LMCD1: variants seen among roughly 807,000 people sequenced by gnomAD.
LMCD1 encodes the protein LIM and cysteine rich domains 1.
Under a neutral mutation model 42.7 loss-of-function variants are expected in LMCD1, and 32 were observed. That is an observed-to-expected ratio of 0.75 (90% CI 0.57 to 1.01). The LOEUF is 1.01. Among genes scored for constraint, LMCD1 ranks in the 50% least tolerant of loss-of-function variants. LMCD1 has a pLI of 0.00. For missense variants in LMCD1, 458 were observed against 483.1 expected (o/e 0.95, Z 0.49); for synonymous variants, 178 against 184.9 (o/e 0.96, Z 0.30).
chr3:8,522,280 A>C (rs1418945945), intron 1 of LMCD1, among the ~76,000 whole-genome samples: 1 of 152,174 alleles, frequency 6.6e-6, no homozygotes, highest in Non-Finnish European at 1.5e-5. Context: ...AGAGCTACAC[A>C]AGTGATTACA....
rs1344257375 is a variant in LMCD1, at chr3:8,571,801, C to G, written c.*4203C>G. The G allele has an allele frequency of 6.6e-6, 1 of 152,174 alleles. No individual in the cohort carries two copies. The highest frequency in any genetic ancestry group is 1.5e-5 in the Non-Finnish European group (1 of 68,020). The allele number at this position is 152,174 out of a possible 1,614,324, so 9.4% of individuals were successfully genotyped here. A position where few individuals can be genotyped will look rare whatever the true frequency, so the allele number is the denominator to read the frequency against. On this transcript the variant is annotated 3_prime_UTR_variant, in exon 6 of 6. Coordinates refer to ENST00000157600, the MANE Select transcript of LMCD1 (RefSeq NM_014583.4). ...GTTTTCTTTTCTTTTGATAGAATGT[C>G]AAACTTACGAAAAAAGTTACAAGAA... is the stretch of plus-strand genomic sequence containing the variant.
At chr3:8,524,767 C>T (rs1234412947) in intron 1 of LMCD1, among the ~76,000 whole-genome samples, 3 of 152,074 alleles carry the variant, frequency 2.0e-5, no homozygotes, top group Non-Finnish European at 4.4e-5. Flanking sequence ...TCACTACAAC[C>T]TCAACCTCCT....
chr3:8,522,464 A>G (rs1694224811), intron 1 of LMCD1, among the ~76,000 whole-genome samples: 1 of 152,162 alleles, frequency 6.6e-6, no homozygotes, highest in African/African-American at 2.4e-5. Flanking sequence ...GAGCCTGAAC[A>G]CGGTGATTGG....
intron 3 of LMCD1, among the ~76,000 whole-genome samples, chr3:8,543,397 T>TGATAGATAGATAGATAGATA (rs57434919): frequency 4.3e-5 from 4 of 92,874 alleles, no homozygotes; most frequent in Non-Finnish European, 5.3e-5. Flanking sequence ...GATAGATAGA[T>TGATAGATAGATAGATAGATA]GATAGATAGA....
chr3:8,554,701 G>A (rs1450242356), intron 4 of LMCD1, among the ~76,000 whole-genome samples: 2 of 152,158 alleles, frequency 1.3e-5, no homozygotes, highest in Admixed American at 6.5e-5. Context: ...CCCTGAGCTG[G>A]GTGGGCAATG....
At chr3:8,503,368 C>G (rs573093843) in intron 1 of LMCD1, among the ~76,000 whole-genome samples, 10 of 152,304 alleles carry the variant, frequency 6.6e-5, no homozygotes, top group African/African-American at 2.4e-4. Context: ...GGTACCAAGT[C>G]ACATTGAATC....
chr3:8,541,068 G>T (rs1694616858), intron 3 of LMCD1, among the ~76,000 whole-genome samples: 1 of 152,204 alleles, frequency 6.6e-6, no homozygotes, highest in African/African-American at 2.4e-5. Flanking sequence ...ATCAGGAAGA[G>T]AAGAATCAGA....
chr3:8,565,308 GAAGAGGTAT>G (rs1466645804), intron 4 of LMCD1, 115 bp from the exon 5 acceptor site: 1 of 756,008 alleles, frequency 1.3e-6, no homozygotes. Context: ...ACTGAGGCAC[GAAGAGGTAT>G]AGTGACTTGC....
chr3:8,520,933 C>T (rs777037212), intron 1 of LMCD1, among the ~76,000 whole-genome samples: 5 of 152,194 alleles, frequency 3.3e-5, no homozygotes, highest in Non-Finnish European at 5.9e-5. Flanking sequence ...TTTCTAGAAA[C>T]GTGGACAATT....
chr3:8,544,623 C>T (rs1034695391), intron 3 of LMCD1, among the ~76,000 whole-genome samples: 1 of 152,172 alleles, frequency 6.6e-6, no homozygotes, highest in Non-Finnish European at 1.5e-5. Flanking sequence ...TGTACTCCCC[C>T]ACCCCACAAC....
chr3:8,544,227 C>G (rs189284493), intron 3 of LMCD1, among the ~76,000 whole-genome samples: 2 of 152,168 alleles, frequency 1.3e-5, no homozygotes, highest in Admixed American at 6.5e-5. Flanking sequence ...CATAATCTAC[C>G]CTGAACTTTG....
intron 4 of LMCD1, among the ~76,000 whole-genome samples, chr3:8,553,120 C>G (rs1694869765): frequency 6.6e-6 from 1 of 152,218 alleles, no homozygotes; most frequent in Admixed American, 6.5e-5. Context: ...ACACTATGCT[C>G]TGTAACCTAC....
chr3:8,551,959 G>A (rs1275760849), intron 4 of LMCD1, among the ~76,000 whole-genome samples: 2 of 152,192 alleles, frequency 1.3e-5, no homozygotes, highest in Admixed American at 1.3e-4. Context: ...TGAGAATAAA[G>A]GTGTGGGGAA....
rs563864997 is a variant in LMCD1 at position 8,532,904 on chromosome 3, C to T, written c.131+79C>T. The T allele has an allele frequency of 4.6e-5, 52 of 1,142,108 alleles. No homozygotes were observed. The African/African-American group carries it at 6.1e-4, about 13-fold the overall frequency. 70.7% of individuals were successfully genotyped at this position (1,142,108 alleles called of 1,614,324 possible). On this transcript the variant is annotated intron_variant, in intron 2 of 5. Coordinates refer to ENST00000157600, the MANE Select transcript of LMCD1 (RefSeq NM_014583.4). ...CTCGGGGAACCCTGGTTGCTTTCTT[C>T]GCTGAGACTGCTTTGGTTGTATGCG...
At position 8,570,477 on chromosome 3, in the gene LMCD1, C is replaced by G. The variant is rs1316497557; in HGVS notation, c.*2879C>G. On this transcript the variant is annotated 3_prime_UTR_variant, in exon 6 of 6. Transcript: ENST00000157600. ...CATGGGGCACCACCCAGCACCTGCC[C>G]CTGCCTTTCTCATGTCTATTAATGA... 6.6e-6 allele frequency: 1 copy of G among 152,466 alleles called. No homozygotes were observed. Among genetic ancestry groups the G allele is most frequent in the Non-Finnish European group, 1.5e-5 (1 of 68,186 alleles). The allele number at this position is 152,466 out of a possible 1,614,324, so 9.4% of individuals were successfully genotyped here.
intron 1 of LMCD1, among the ~76,000 whole-genome samples, chr3:8,521,673 A>T (rs1228060513): frequency 1.3e-5 from 2 of 152,200 alleles, no homozygotes; most frequent in African/African-American, 4.8e-5. Flanking sequence ...GAGTAAAATT[A>T]TCCAAAAGGC....
intron 2 of LMCD1, 87 bp downstream of exon 2, chr3:8,532,912 C>A (rs1013049659): frequency 1.8e-6 from 2 of 1,086,918 alleles, no homozygotes; most frequent in Non-Finnish European, 2.8e-6. Flanking sequence ...TTCGCTGAGA[C>A]TGCTTTGGTT....
chr3:8,511,714 G>A (rs1424648181), intron 1 of LMCD1, among the ~76,000 whole-genome samples: 1 of 152,190 alleles, frequency 6.6e-6, no homozygotes, highest in Non-Finnish European at 1.5e-5. Flanking sequence ...GGACTGTGGA[G>A]AAATACATTC....
At chr3:8,537,066 G>C in intron 2 of LMCD1, 119 bp from the exon 3 acceptor site, 1 of 1,147,870 alleles carries the variant, frequency 8.7e-7, no homozygotes, top group Non-Finnish European at 1.2e-6. Flanking sequence ...TTTGTCCGCT[G>C]CTAGTTTTTC....
Sources: allele counts gnomAD v4.1 joint callset (sites outside exome capture counted in the v4.1 genomes callset), GRCh38; gene constraint gnomAD v4.1.1; transcripts MANE v1.5; gene names NCBI Gene and HGNC (gene_info 2026-07-23, HGNC 2026-07-21).